The following PCMT1 variants were observed in gnomAD, a reference collection of about 807,000 sequenced individuals.
PCMT1 encodes the protein protein-L-isoaspartate(D-aspartate) O-methyltransferase.
A neutral mutation model predicts 29.2 loss-of-function variants in PCMT1; 9 were observed. The ratio of observed to expected loss-of-function variants is 0.31; its 90% confidence interval spans 0.19 to 0.54. PCMT1 has a LOEUF of 0.54. Among genes scored for constraint, PCMT1 ranks in the 20% least tolerant of loss-of-function variants. PCMT1 has a pLI of 0.95. For missense variants in PCMT1, 184 were observed against 282.2 expected (o/e 0.65, Z 2.49); for synonymous variants, 98 against 97.5 (o/e 1.00, Z -0.03).
At chr6:149,786,583 T>A (rs1238536622) in intron 3 of PCMT1, among the ~76,000 whole-genome samples, 1 of 126,656 alleles carries the variant, frequency 7.9e-6, no homozygotes, top group Non-Finnish European at 1.6e-5. Flanking sequence ...GCAGAGGGTC[T>A]CCTCACTTCT....
Position 149,756,165 on chromosome 6 carries a change from A to T in PCMT1, c.55+6209A>T, listed in dbSNP as rs377716232. ...GTGGGAGATCAGATTATTTTGAGGA[A>T]TGCTTTTCTTATAAGACATTTAAGT... On this transcript the variant is annotated intron_variant, in intron 1 of 7. Coordinates refer to ENST00000464889, the MANE Select transcript of PCMT1 (RefSeq NM_001360452.2). Among the ~76,000 whole-genome samples the T allele has an allele frequency of 1.1e-4, 17 of 152,220 alleles. No individual in the cohort carries two copies. The South Asian group carries it at 1.5e-3, about 13-fold the overall frequency.
intron 7 of PCMT1, among the ~76,000 whole-genome samples, chr6:149,806,876 G>A (rs932573012): frequency 6.6e-6 from 1 of 152,122 alleles, no homozygotes; most frequent in African/African-American, 2.4e-5. Flanking sequence ...ACAGGCTTGA[G>A]CCACCAGCCT....
intron 1 of PCMT1, among the ~76,000 whole-genome samples, chr6:149,768,146 C>T (rs1787168838): frequency 6.6e-6 from 1 of 152,000 alleles, no homozygotes; most frequent in African/African-American, 2.4e-5. Context: ...GGCTGGAGTA[C>T]AGTGGCATGA....
intron 3 of PCMT1, among the ~76,000 whole-genome samples, chr6:149,786,387 C>T (rs1242751638): frequency 8.0e-6 from 1 of 125,190 alleles, no homozygotes; most frequent in African/African-American, 3.2e-5. Context: ...ACCTCCCTCC[C>T]GGACGGGGTG....
chr6:149,795,290 C>T, intron 5 of PCMT1: 1 of 395,150 alleles, frequency 2.5e-6, no homozygotes, highest in Non-Finnish European at 4.9e-6. Flanking sequence ...AGTCCTTGTT[C>T]TCCAAAAGCC....
chr6:149,791,982 T>G (rs1270016322), intron 4 of PCMT1, among the ~76,000 whole-genome samples: 1 of 152,172 alleles, frequency 6.6e-6, no homozygotes, highest in Non-Finnish European at 1.5e-5. Context: ...GGTTTATGCC[T>G]TTTTCCTCCC....
chr6:149,750,818 A>G (rs547692469), intron 1 of PCMT1, among the ~76,000 whole-genome samples: 3 of 152,244 alleles, frequency 2.0e-5, no homozygotes, highest in African/African-American at 7.2e-5. Flanking sequence ...ATCGAAATAT[A>G]GCGTCCCCGT....
At chr6:149,782,488 A>G (rs1787852235) in intron 3 of PCMT1, among the ~76,000 whole-genome samples, 1 of 152,232 alleles carries the variant, frequency 6.6e-6, no homozygotes, top group Non-Finnish European at 1.5e-5. Context: ...TCCTGGTAGC[A>G]GTGAGCACAC....
At chr6:149,769,968 G>A (rs948983569) in intron 1 of PCMT1, among the ~76,000 whole-genome samples, 6 of 151,926 alleles carry the variant, frequency 3.9e-5, no homozygotes, top group Admixed American at 6.6e-5. Flanking sequence ...AGAAATTCAC[G>A]TCTCCTGGCT....
chr6:149,804,080 CA>C (rs58975454), intron 7 of PCMT1, among the ~76,000 whole-genome samples: 85 of 77,504 alleles, frequency 1.1e-3, no homozygotes, highest in Middle Eastern at 6.8e-3. Context: ...GACTCTGTCT[CA>C]AAAAAAAAAA....
At chr6:149,768,444 ATTTTTT>A (rs548328646) in intron 1 of PCMT1, among the ~76,000 whole-genome samples, 1 of 75,856 alleles carries the variant, frequency 1.3e-5, no homozygotes, top group Non-Finnish European at 2.2e-5. Context: ...TTAGTCTTGA[ATTTTTT>A]TTTTTTTTTT....
chr6:149,771,300 T>C (rs767014846), intron 2 of PCMT1, 34 bp downstream of exon 2: 49 of 1,271,716 alleles, frequency 3.9e-5, no homozygotes, highest in Non-Finnish European at 5.3e-5. Flanking sequence ...ATCATAGTTT[T>C]CATCATTTAC....
intron 2 of PCMT1, chr6:149,772,145 G>A (rs545399531): frequency 1.8e-5 from 8 of 456,172 alleles, no homozygotes; most frequent in Admixed American, 2.4e-5. Context: ...TTCTTTTGAC[G>A]CACTATAACA....
intron 1 of PCMT1, among the ~76,000 whole-genome samples, chr6:149,752,862 C>T (rs1390539636): frequency 3.9e-5 from 6 of 151,948 alleles, no homozygotes; most frequent in East Asian, 1.9e-4. Flanking sequence ...GATCTTTTCC[C>T]GGTGGTTTCA....
intron 5 of PCMT1, chr6:149,795,387 G>A (rs1428200082): frequency 2.5e-6 from 1 of 405,556 alleles, no homozygotes; most frequent in Non-Finnish European, 4.7e-6. Context: ...AAGATATCTG[G>A]GGAGATGGTG....
At chr6:149,785,968 T>A (rs1186317905) in intron 3 of PCMT1, among the ~76,000 whole-genome samples, 1 of 149,420 alleles carries the variant, frequency 6.7e-6, no homozygotes, top group African/African-American at 2.5e-5. Context: ...GGCTCCTCAC[T>A]TCCCAGTAGG....
chr6:149,807,169 G>T (rs1422881650), intron 7 of PCMT1, among the ~76,000 whole-genome samples: 1 of 152,158 alleles, frequency 6.6e-6, no homozygotes, highest in Non-Finnish European at 1.5e-5. Flanking sequence ...TGTAATTTTG[G>T]TGGATTAATA....
At chr6:149,786,185 A>G (rs1201260024) in intron 3 of PCMT1, among the ~76,000 whole-genome samples, 5 of 59,350 alleles carry the variant, frequency 8.4e-5, no homozygotes, top group African/African-American at 2.7e-4. Context: ...CCTCCCTCCC[A>G]GACGGGGCGG....
At chr6:149,782,082 T>G (rs1455352751) in intron 3 of PCMT1, among the ~76,000 whole-genome samples, 1 of 152,206 alleles carries the variant, frequency 6.6e-6, no homozygotes, top group Non-Finnish European at 1.5e-5. Flanking sequence ...CTGATGCATT[T>G]TTAATTACTT....
Sources: gnomAD v4.1 joint callset for allele counts (sites outside exome capture counted in the v4.1 genomes callset) on GRCh38, gnomAD v4.1.1 for gene constraint, MANE v1.5 for transcripts, NCBI Gene and HGNC (gene_info 2026-07-23, HGNC 2026-07-21) for gene names.